The following SGCZ variants were observed in gnomAD, a reference collection of about 807,000 sequenced individuals.
The protein encoded by SGCZ is sarcoglycan zeta, also known as zeta-sarcoglycan.
A neutral mutation model predicts 41.3 loss-of-function variants in SGCZ; 40 were observed. The observed-to-expected ratio is 0.97, with a 90% confidence interval of 0.75 to 1.26. The LOEUF (loss-of-function observed/expected upper bound fraction) is 1.26, where lower values mean the gene tolerates loss of function less well. Among genes scored for constraint, SGCZ ranks in the 50% most tolerant of loss-of-function variants. SGCZ has a pLI of 0.00. For synonymous variants in SGCZ, 206 were observed against 137.5 expected, an observed-to-expected ratio of 1.50 and a Z score of -3.49; for missense variants, 552 against 369.8, an observed-to-expected ratio of 1.49 and a Z score of -4.04.
chr8:15,134,232 T>A (rs1385632835), intron 1 of SGCZ, among the ~76,000 whole-genome samples: 1 of 151,884 alleles, frequency 6.6e-6, no homozygotes, highest in Non-Finnish European at 1.5e-5. Flanking sequence ...AAAGGTTAAC[T>A]TTCATAGGTA....
At chr8:15,077,286 T>C (rs999569648) in intron 1 of SGCZ, among the ~76,000 whole-genome samples, 7 of 152,166 alleles carry the variant, frequency 4.6e-5, no homozygotes, top group Admixed American at 4.6e-4. Flanking sequence ...ACCAGGTAAA[T>C]TGACCTATTA....
intron 1 of SGCZ, among the ~76,000 whole-genome samples, chr8:15,067,052 C>T (rs949590371): frequency 6.6e-6 from 1 of 152,130 alleles, no homozygotes; most frequent in Non-Finnish European, 1.5e-5. Context: ...CGCGGTCATA[C>T]ACATCACAAT....
chr8:14,745,749 A>T (rs900451892), intron 1 of SGCZ, among the ~76,000 whole-genome samples: 2 of 151,986 alleles, frequency 1.3e-5, no homozygotes, highest in Non-Finnish European at 2.9e-5. Context: ...GACCCAGGGG[A>T]GGGGCATGGG....
chr8:14,241,574 T>G (rs1034746035), intron 3 of SGCZ, among the ~76,000 whole-genome samples: 1 of 151,366 alleles, frequency 6.6e-6, no homozygotes, highest in African/African-American at 2.4e-5. Context: ...ATCTTTATCT[T>G]CTGATGTAGT....
At chr8:15,226,190 C>G (rs913002334) in intron 1 of SGCZ, among the ~76,000 whole-genome samples, 1 of 152,186 alleles carries the variant, frequency 6.6e-6, no homozygotes, top group Non-Finnish European at 1.5e-5. Context: ...TACCTACCTA[C>G]CTCCCTACTT....
chr8:14,434,946 T>C (rs796700108), intron 2 of SGCZ, among the ~76,000 whole-genome samples: 14 of 152,098 alleles, frequency 9.2e-5, no homozygotes, highest in African/African-American at 3.4e-4. Context: ...TTTTGGGGAG[T>C]TGATCTTAGA....
At chr8:14,502,486 T>C (rs1457168615) in intron 2 of SGCZ, among the ~76,000 whole-genome samples, 3 of 152,132 alleles carry the variant, frequency 2.0e-5, no homozygotes, top group Non-Finnish European at 4.4e-5. Context: ...AACAATATAT[T>C]CATGTTATAA....
At chr8:14,117,120 T>G (rs536746726) in intron 5 of SGCZ, among the ~76,000 whole-genome samples, 16 of 152,188 alleles carry the variant, frequency 1.1e-4, no homozygotes, top group Non-Finnish European at 1.9e-4. Context: ...CTACAAAATG[T>G]ATCTTTAAAG....
At chr8:14,498,357 T>C (rs1802052790) in intron 2 of SGCZ, among the ~76,000 whole-genome samples, 1 of 152,174 alleles carries the variant, frequency 6.6e-6, no homozygotes, top group Admixed American at 6.5e-5. Flanking sequence ...GTTGGGTTCC[T>C]TCAGACTTAG....
chr8:14,531,331 A>C (rs1803124400), intron 2 of SGCZ, among the ~76,000 whole-genome samples: 1 of 150,564 alleles, frequency 6.6e-6, no homozygotes, highest in Non-Finnish European at 1.5e-5. Flanking sequence ...ATAAAATTCT[A>C]CTCTGCCTTA....
chr8:14,801,515 C>A (rs574611745), intron 1 of SGCZ, among the ~76,000 whole-genome samples: 30 of 152,158 alleles, frequency 2.0e-4, no homozygotes, highest in African/African-American at 7.0e-4. Flanking sequence ...AAAGTACAGA[C>A]AGATTATGTT....
intron 1 of SGCZ, among the ~76,000 whole-genome samples, chr8:14,696,942 G>A (rs1808983215): frequency 1.4e-5 from 2 of 144,160 alleles, no homozygotes; most frequent in Admixed American, 7.0e-5. Flanking sequence ...AAAATAATTA[G>A]GAAATCTATG....
At chr8:14,763,721 T>G (rs1028088941) in intron 1 of SGCZ, among the ~76,000 whole-genome samples, 6 of 152,296 alleles carry the variant, frequency 3.9e-5, no homozygotes, top group African/African-American at 9.6e-5. Context: ...CTATCTACAA[T>G]AAGTAACAGT....
chr8:14,728,904 T>C (rs536925466), intron 1 of SGCZ, among the ~76,000 whole-genome samples: 4 of 152,330 alleles, frequency 2.6e-5, no homozygotes, highest in Admixed American at 2.6e-4. Flanking sequence ...AGTAATTTTA[T>C]AGGAAGCATT....
At position 14,379,098 on chromosome 8, in the gene SGCZ, A is replaced by T. The variant is rs1019324970; in HGVS notation, c.235-54894T>A. 2.0e-5 allele frequency among the ~76,000 whole-genome samples: 3 copies of T among 152,218 alleles called. No individual in the cohort carries two copies. In the East Asian group the frequency reaches 5.8e-4, roughly 29 times the overall value. ...TAGTATGCACACTATTTTTACTACC[A>T]CTGATAATTCTTCCTGAGGTATCAG... On this transcript the variant is annotated intron_variant, in intron 2 of 7. Coordinates refer to ENST00000382080, the MANE Select transcript of SGCZ (RefSeq NM_139167.4).
intron 4 of SGCZ, among the ~76,000 whole-genome samples, chr8:14,213,212 A>G (rs199729915): frequency 6.7e-6 from 1 of 149,312 alleles, no homozygotes; most frequent in Non-Finnish European, 1.5e-5. Flanking sequence ...TAAGAAGCTG[A>G]AAGAGAATAA....
intron 1 of SGCZ, among the ~76,000 whole-genome samples, chr8:14,593,224 T>A (rs2117290411): frequency 6.6e-6 from 1 of 152,212 alleles, no homozygotes; most frequent in Non-Finnish European, 1.5e-5. Context: ...AGCTCCGTTG[T>A]AAAAGGAAGC....
At chr8:15,229,590 G>A (rs1439337948) in intron 1 of SGCZ, among the ~76,000 whole-genome samples, 2 of 152,176 alleles carry the variant, frequency 1.3e-5, no homozygotes, top group Non-Finnish European at 2.9e-5. Context: ...ATCCCATGTT[G>A]GGGGAGAGTT....
intron 1 of SGCZ, among the ~76,000 whole-genome samples, chr8:14,933,281 G>T (rs979751713): frequency 6.6e-6 from 1 of 152,014 alleles, no homozygotes; most frequent in Admixed American, 6.6e-5. Flanking sequence ...GTAACTTACA[G>T]CCTCATTTGA....
Sources: allele counts gnomAD v4.1 joint callset (sites outside exome capture counted in the v4.1 genomes callset), GRCh38; gene constraint gnomAD v4.1.1; transcripts MANE v1.5; gene names NCBI Gene and HGNC (gene_info 2026-07-23, HGNC 2026-07-21).